Variants in DDA1 observed in about 807,000 individuals in gnomAD.
DDA1 encodes DET1- and DDB1-associated protein 1.
In DDA1, 3 loss-of-function variants were observed where a neutral mutation model predicts 18.6. That is an observed-to-expected ratio of 0.16 (90% CI 0.07 to 0.42). The LOEUF (loss-of-function observed/expected upper bound fraction) is 0.42, where lower values mean the gene tolerates loss of function less well. DDA1 is among the 10% of genes least tolerant of loss of function. DDA1 has a pLI of 0.99. For missense variants in DDA1, 105 were observed against 138.2 expected (o/e 0.76, Z 1.20); for synonymous variants, 52 against 54.0 (o/e 0.96, Z 0.17).
intron 4 of DDA1, among the ~76,000 whole-genome samples, chr19:17,317,143 T>C (rs566873121): frequency 8.7e-4 from 133 of 152,322 alleles, no homozygotes; most frequent in Middle Eastern, 3.4e-3. Context: ...AAGAATGGCT[T>C]GAACCTGGGA....
intron 4 of DDA1, among the ~76,000 whole-genome samples, chr19:17,316,850 C>T (rs2145676702): frequency 6.6e-6 from 1 of 151,862 alleles, no homozygotes; most frequent in East Asian, 1.9e-4. Flanking sequence ...TGCATTCCAG[C>T]CTGGGCAACA....
At chr19:17,313,954 C>G (rs1293867010) in intron 1 of DDA1, 69 bp from the exon 2 acceptor site, 6 of 1,297,662 alleles carry the variant, frequency 4.6e-6, no homozygotes, top group Non-Finnish European at 6.7e-6. Flanking sequence ...CAGCAGTCAC[C>G]CTGCAGGTGC....
Position 17,309,604 on chromosome 19 carries a change from C to A in DDA1, c.-51C>A. The A allele has an allele frequency of 1.3e-6, 2 of 1,597,702 alleles. No homozygotes were observed. The highest frequency in any genetic ancestry group is 8.6e-7 in the Non-Finnish European group (1 of 1,166,678). On this transcript the variant is annotated 5_prime_UTR_variant, in exon 1 of 5. Transcript: ENST00000359866. ...GCGGCTAAGAAGGCGGCTCTGGTGG[C>A]GGCGGTGGAGGCTGAGGCGGCGGCC...
chr19:17,318,501 G>C (rs2074224431), intron 4 of DDA1, among the ~76,000 whole-genome samples: 1 of 152,166 alleles, frequency 6.6e-6, no homozygotes, highest in South Asian at 2.1e-4. Flanking sequence ...AAAATGCTGG[G>C]ATTACAGGTG....
rs2074191821 is a variant in DDA1, at chr19:17,314,175, G to A, written c.84+72G>A. The stretch of plus-strand genomic sequence containing the variant: ...GGCCTGGGGGCAGCTTGTGTCCCCC[G>A]ATTGGGGTCTTGGCTGGAACAGAGG... On this transcript the variant is annotated intron_variant, in intron 2 of 4. Coordinates refer to ENST00000359866, the MANE Select transcript of DDA1 (RefSeq NM_024050.6). The surrounding 1 kb of genome is among the most constrained non-coding windows in gnomAD (Gnocchi z 4.6). 1.0e-5 allele frequency: 16 copies of A among 1,576,566 alleles called. No individual in the cohort carries two copies. The highest frequency in any genetic ancestry group is 6.7e-5 in the Admixed American group (4 of 59,638).
At chr19:17,313,904 G>A in intron 1 of DDA1, 119 bp from the exon 2 acceptor site, 1 of 814,516 alleles carries the variant, frequency 1.2e-6, no homozygotes, top group Non-Finnish European at 2.1e-6. Context: ...GGTGTGTTCT[G>A]GAAAACTTGA....
chr19:17,320,875 A>T lies in DDA1; in HGVS notation c.*1219A>T, dbSNP rs1160008093. The T allele has an allele frequency of 6.6e-6, 1 of 152,222 alleles. No individual in the cohort carries two copies. Among genetic ancestry groups the T allele is most frequent in the African/African-American group, 2.4e-5 (1 of 41,434 alleles). 9.4% of individuals were successfully genotyped at this position (152,222 alleles called of 1,614,324 possible). On this transcript the variant is annotated 3_prime_UTR_variant, in exon 5 of 5. Coordinates refer to ENST00000359866, the MANE Select transcript of DDA1 (RefSeq NM_024050.6). ...TAGGGGTGTTCGGGCTCTGGGCAGA[A>T]GGTTTGTGGCCCTGACCACTGAGCC...
chr19:17,311,731 T>TG (rs921221829), intron 1 of DDA1, among the ~76,000 whole-genome samples: 7 of 152,210 alleles, frequency 4.6e-5, no homozygotes, highest in Non-Finnish European at 7.3e-5. Flanking sequence ...TTCCTGACTT[T>TG]GGGGGGCCCC....
At chr19:17,312,832 G>T (rs150149658) in intron 1 of DDA1, among the ~76,000 whole-genome samples, 117 of 152,292 alleles carry the variant, frequency 7.7e-4, no homozygotes, top group African/African-American at 2.7e-3. Context: ...AGCTGAGGCT[G>T]GCATCCTAGG....
chr19:17,315,694 C>T (rs551863978), intron 3 of DDA1: 32 of 591,760 alleles, frequency 5.4e-5, no homozygotes, highest in African/African-American at 4.5e-4. Context: ...GTCTCAGTTG[C>T]GGGGCTTGGT....
chr19:17,309,615 G>T lies in DDA1; in HGVS notation c.-40G>T. 6.2e-7 allele frequency: 1 copy of T among 1,609,968 alleles called. No homozygotes were observed. ...GGCGGCTCTGGTGGCGGCGGTGGAG[G>T]CTGAGGCGGCGGCCGAGGCGGCGAC... On this transcript the variant is annotated 5_prime_UTR_variant, in exon 1 of 5. Transcript: ENST00000359866.
chr19:17,318,305 C>G (rs1721093763), intron 4 of DDA1, among the ~76,000 whole-genome samples: 1 of 152,204 alleles, frequency 6.6e-6, no homozygotes, highest in Admixed American at 6.5e-5. Context: ...GATCTTGGCT[C>G]ACTGTAATCT....
chr19:17,309,957 G>A (rs1457252236), intron 1 of DDA1, among the ~76,000 whole-genome samples: 3 of 140,768 alleles, frequency 2.1e-5, no homozygotes, highest in Non-Finnish European at 4.8e-5. Context: ...ATGGGGTCCC[G>A]TAAGACCCCC....
chr19:17,313,735 G>C (rs1166547269), intron 1 of DDA1, among the ~76,000 whole-genome samples: 1 of 152,098 alleles, frequency 6.6e-6, no homozygotes, highest in East Asian at 1.9e-4. Flanking sequence ...AGCCACTGCG[G>C]TATGACTTTT....
At position 17,319,932 on chromosome 19, in the gene DDA1, A is replaced by C; in HGVS notation, c.*276A>C. 7.5e-5 allele frequency: 25 copies of C among 331,140 alleles called. No homozygotes were observed. Among genetic ancestry groups the C allele is most frequent in the Middle Eastern group, 8.7e-4 (1 of 1,150 alleles). The allele number at this position is 331,140 out of a possible 1,614,324, so 20.5% of individuals were successfully genotyped here. ...TAAAAAAAACAACATTGTCCCCCCG[A>C]CCCCCGCCTTCCATCGGGCCAGTTC... On this transcript the variant is annotated 3_prime_UTR_variant, in exon 5 of 5. Transcript: ENST00000359866.
Position 17,319,773 on chromosome 19 carries a change from C to G in DDA1, c.*117C>G. The G allele has an allele frequency of 1.3e-6, 1 of 765,052 alleles. No homozygotes were observed. The highest frequency in any genetic ancestry group is 2.1e-6 in the Non-Finnish European group (1 of 470,710). The allele number at this position is 765,052 out of a possible 1,614,324, so 47.4% of individuals were successfully genotyped here. On this transcript the variant is annotated 3_prime_UTR_variant, in exon 5 of 5. Coordinates refer to ENST00000359866, the MANE Select transcript of DDA1 (RefSeq NM_024050.6). ...TCCCTGCCGGCCCATCCACACCCTG[C>G]GTCCACACCACTTCCAACCTCATAG...
chr19:17,309,780 G>T, intron 1 of DDA1, 123 bp downstream of exon 1: 3 of 1,286,486 alleles, frequency 2.3e-6, no homozygotes, highest in Non-Finnish European at 2.1e-6. Context: ...GGTCCGGCCC[G>T]CCCCTCCCAC....
rs1238574977 is a variant in DDA1 at position 17,322,174 on chromosome 19, TC to T, written c.*2519del. The T allele has an allele frequency of 6.5e-6, 1 of 153,340 alleles. No individual in the cohort carries two copies. Among genetic ancestry groups the T allele is most frequent in the African/African-American group, 2.4e-5 (1 of 41,446 alleles). 9.5% of individuals were successfully genotyped at this position (153,340 alleles called of 1,614,324 possible). ...GTCTCCTGCCTGTGCTGTCTGCCCG[TC>T]GCTCTGCAGGGCTGCTGGGCGGGCA... On this transcript the variant is annotated 3_prime_UTR_variant, in exon 5 of 5. Coordinates refer to ENST00000359866, the MANE Select transcript of DDA1 (RefSeq NM_024050.6).
chr19:17,313,600 G>A (rs913377222), intron 1 of DDA1, among the ~76,000 whole-genome samples: 3 of 151,768 alleles, frequency 2.0e-5, no homozygotes, highest in Non-Finnish European at 4.4e-5. Flanking sequence ...GCACCACCAC[G>A]CCCACCTAAT....
Sources: gnomAD v4.1 joint callset for allele counts (sites outside exome capture counted in the v4.1 genomes callset) on GRCh38, gnomAD v4.1.1 for gene constraint, Gnocchi (gnomAD v3.1) non-coding constraint, MANE v1.5 for transcripts, NCBI Gene and HGNC (gene_info 2026-07-23, HGNC 2026-07-21) for gene names.